CDH12: variants seen among roughly 807,000 people sequenced by gnomAD.
CDH12 encodes cadherin-12.
A neutral mutation model predicts 74.1 loss-of-function variants in CDH12; 41 were observed. The observed-to-expected ratio is 0.55, with a 90% CI of 0.43 to 0.72. CDH12 has a LOEUF of 0.72. CDH12 is among the 30% of genes least tolerant of loss of function. The pLI is 0.00. For synonymous variants in CDH12, 399 were observed against 355.0 expected (o/e 1.12, Z -1.39); for missense variants, 945 against 977.2 (o/e 0.97, Z 0.44).
chr5:22,411,819 G>C (rs576362629), intron 2 of CDH12, among the ~76,000 whole-genome samples: 1 of 152,000 alleles, frequency 6.6e-6, no homozygotes, highest in Non-Finnish European at 1.5e-5. Flanking sequence ...GGATAGGTTT[G>C]TGTGAATTTT....
intron 1 of CDH12, among the ~76,000 whole-genome samples, chr5:22,821,185 C>A (rs376150796): frequency 6.6e-6 from 1 of 151,990 alleles, no homozygotes; most frequent in Admixed American, 6.6e-5. Flanking sequence ...AATTCAACAA[C>A]GCTTCATGCT....
chr5:22,763,781 C>A lies in CDH12; in HGVS notation c.-523+89277G>T, dbSNP rs551065445. Among the ~76,000 whole-genome samples, 254 of 151,932 alleles carry A rather than the reference C, an allele frequency of 1.7e-3. 3 individuals carry two copies. Among genetic ancestry groups the A allele is most frequent in the Non-Finnish European group, 1.7e-3 (118 of 67,812 alleles). ...CATTCTAAGCACTGAGTGATCATTT[C>A]ATTTCTAAATTTAACTGCATTTATT... On this transcript the variant is annotated intron_variant, in intron 1 of 14. Coordinates refer to ENST00000382254, the MANE Select transcript of CDH12 (RefSeq NM_004061.5).
intron 6 of CDH12, among the ~76,000 whole-genome samples, chr5:21,955,270 A>T (rs1756043867): frequency 6.6e-6 from 1 of 151,902 alleles, no homozygotes; most frequent in South Asian, 2.1e-4. Flanking sequence ...TCAAATGTCA[A>T]GCTTTTTTTT....
rs71417646 is a variant in CDH12, at chr5:22,281,907, G to A, written c.-332-69264C>T. On this transcript the variant is annotated intron_variant, in intron 3 of 14. Transcript: ENST00000382254. ...TTCATAGGAAACCAAAAACGAGCCC[G>A]CATAGCAAAGACAATCCTCAGCAAA... 8.8e-3 allele frequency among the ~76,000 whole-genome samples: 1,342 copies of A among 152,136 alleles called. 7 individuals are homozygous for A. Among genetic ancestry groups the A allele is most frequent in the Middle Eastern group, 0.037 (11 of 294 alleles).
At chr5:22,788,476 C>T (rs1747751335) in intron 1 of CDH12, among the ~76,000 whole-genome samples, 1 of 150,452 alleles carries the variant, frequency 6.6e-6, no homozygotes, top group South Asian at 2.1e-4. Flanking sequence ...AATTAAAATG[C>T]ATTGAATACT....
intron 1 of CDH12, among the ~76,000 whole-genome samples, chr5:22,738,614 C>T (rs368526161): frequency 6.6e-6 from 1 of 151,950 alleles, no homozygotes; most frequent in East Asian, 1.9e-4. Context: ...GAAAAATATA[C>T]AAAAATACCT....
chr5:22,533,750 T>C (rs993486308), intron 1 of CDH12, among the ~76,000 whole-genome samples: 1 of 152,210 alleles, frequency 6.6e-6, no homozygotes, highest in African/African-American at 2.4e-5. Flanking sequence ...ACTTCTGGGC[T>C]TTAAGGATAA....
chr5:22,800,532 A>G (rs1252631687), intron 1 of CDH12, among the ~76,000 whole-genome samples: 1 of 152,164 alleles, frequency 6.6e-6, no homozygotes, highest in African/African-American at 2.4e-5. Context: ...CATTTGTTAC[A>G]ATTGATGAAC....
intron 1 of CDH12, among the ~76,000 whole-genome samples, chr5:22,615,722 T>G (rs2126832574): frequency 6.6e-6 from 1 of 152,212 alleles, no homozygotes; most frequent in Non-Finnish European, 1.5e-5. Context: ...TAAATGAAAA[T>G]AATTTTTCCT....
intron 1 of CDH12, among the ~76,000 whole-genome samples, chr5:22,795,245 T>C (rs1748133322): frequency 6.6e-6 from 1 of 152,166 alleles, no homozygotes; most frequent in Admixed American, 6.5e-5. Context: ...ATAGTCATTG[T>C]CAAGAGATGA....
chr5:22,091,040 C>T (rs553672493), intron 4 of CDH12, among the ~76,000 whole-genome samples: 1 of 151,792 alleles, frequency 6.6e-6, no homozygotes, highest in Non-Finnish European at 1.5e-5. Context: ...GGTACACTCT[C>T]CTCGTGTCTT....
intron 4 of CDH12, among the ~76,000 whole-genome samples, chr5:22,144,858 C>A (rs542454430): frequency 3.9e-5 from 6 of 151,920 alleles, no homozygotes; most frequent in African/African-American, 1.4e-4. Flanking sequence ...ACATAAAATA[C>A]GCATGTTGTA....
chr5:22,732,085 G>A (rs1744456047), intron 1 of CDH12, among the ~76,000 whole-genome samples: 1 of 151,774 alleles, frequency 6.6e-6, no homozygotes, highest in Non-Finnish European at 1.5e-5. Flanking sequence ...CAGACTTGGT[G>A]TTTTAAGCAA....
intron 8 of CDH12, among the ~76,000 whole-genome samples, chr5:21,837,779 A>G (rs1011923544): frequency 2.0e-5 from 3 of 152,200 alleles, no homozygotes; most frequent in African/African-American, 7.2e-5. Flanking sequence ...AAAAACATGT[A>G]AAATTTCAGG....
chr5:22,040,346 G>T (rs972802799), intron 5 of CDH12, among the ~76,000 whole-genome samples: 6 of 152,058 alleles, frequency 3.9e-5, no homozygotes, highest in African/African-American at 1.4e-4. Flanking sequence ...TGCATTATAG[G>T]ATTTTGAGAA....
intron 1 of CDH12, among the ~76,000 whole-genome samples, chr5:22,525,204 T>C (rs1737215366): frequency 1.3e-5 from 2 of 152,200 alleles, no homozygotes; most frequent in Admixed American, 6.5e-5. Context: ...TAAACCAGTC[T>C]ATCATTGTTG....
chr5:22,191,285 C>A (rs1156557882), intron 4 of CDH12, among the ~76,000 whole-genome samples: 1 of 152,074 alleles, frequency 6.6e-6, no homozygotes, highest in African/African-American at 2.4e-5. Flanking sequence ...TTCCTTTACA[C>A]TCTCTTAAAG....
intron 2 of CDH12, among the ~76,000 whole-genome samples, chr5:22,498,192 C>T (rs1747184620): frequency 6.6e-6 from 1 of 152,152 alleles, no homozygotes; most frequent in South Asian, 2.1e-4. Flanking sequence ...ATTTCCCCTT[C>T]TCTGTACAAC....
chr5:22,437,684 T>C (rs1303487964), intron 2 of CDH12, among the ~76,000 whole-genome samples: 3 of 151,954 alleles, frequency 2.0e-5, no homozygotes, highest in Non-Finnish European at 4.4e-5. Flanking sequence ...AGAATTACAC[T>C]ATGAAATCTT....
Sources: gnomAD v4.1 joint callset for allele counts (sites outside exome capture counted in the v4.1 genomes callset) on GRCh38, gnomAD v4.1.1 for gene constraint, MANE v1.5 for transcripts, NCBI Gene and HGNC (gene_info 2026-07-23, HGNC 2026-07-21) for gene names.